GPAT4: variants seen among roughly 807,000 people sequenced by gnomAD.
The protein encoded by GPAT4 is glycerol-3-phosphate acyltransferase 4.
In GPAT4, 17 loss-of-function variants were observed where a neutral mutation model predicts 58.0. The ratio of observed to expected loss-of-function variants is 0.29; its 90% CI spans 0.20 to 0.44. GPAT4 has a LOEUF of 0.44. Ranked by LOEUF, GPAT4 falls within the 20% of genes least tolerant of loss-of-function variation. The pLI is 1.00. For missense variants in GPAT4, 377 were observed against 574.5 expected (o/e 0.66, Z 3.51); for synonymous variants, 204 against 210.1 (o/e 0.97, Z 0.25).
intron 4 of GPAT4, chr8:41,610,191 A>G (rs1164410792): frequency 7.3e-6 from 10 of 1,369,292 alleles, no homozygotes; most frequent in South Asian, 3.4e-5. Flanking sequence ...GCTTCTCTAG[A>G]TGACAGCAAA....
chr8:41,596,905 G>T (rs1802949552), intron 1 of GPAT4, among the ~76,000 whole-genome samples: 1 of 152,168 alleles, frequency 6.6e-6, no homozygotes, highest in Non-Finnish European at 1.5e-5. Flanking sequence ...CCTTTTAAGG[G>T]CTTACAACTC....
At position 41,618,666 on chromosome 8, in the gene GPAT4, G is replaced by A. The variant is rs758865615; in HGVS notation, c.1054-18G>A. On this transcript the variant is annotated intron_variant, in intron 10 of 12. Transcript: ENST00000396987. ...GAGAACTACTCATGTCTTACCTCCAGCTTTCCATTGTTTTCAGTATGACCC... is the reference window on the plus strand; with the variant it reads ...GAGAACTACTCATGTCTTACCTCCAACTTTCCATTGTTTTCAGTATGACCC... The A allele has an allele frequency of 6.2e-7, 1 of 1,613,492 alleles. No homozygotes were observed. The highest frequency in any genetic ancestry group is 1.1e-5 in the South Asian group (1 of 91,054).
At chr8:41,579,209 T>A (rs1802443343) in intron 1 of GPAT4, among the ~76,000 whole-genome samples, 1 of 152,246 alleles carries the variant, frequency 6.6e-6, no homozygotes. Flanking sequence ...CTTTTCTTTT[T>A]TAACTTTGTA....
At chr8:41,590,894 TAAAC>T (rs59028881) in intron 1 of GPAT4, among the ~76,000 whole-genome samples, 8,523 of 152,096 alleles carry the variant, frequency 0.056, 311 homozygotes, top group African/African-American at 0.092. Flanking sequence ...GGACTGGGGA[TAAAC>T]AAACGAGGTA....
intron 2 of GPAT4, among the ~76,000 whole-genome samples, chr8:41,604,762 G>A (rs1313489433): frequency 6.6e-6 from 1 of 152,236 alleles, no homozygotes; most frequent in Non-Finnish European, 1.5e-5. Context: ...ACCAGTGGCA[G>A]TTGTGGAGAA....
intron 2 of GPAT4, among the ~76,000 whole-genome samples, chr8:41,607,240 C>T (rs1349807075): frequency 6.6e-6 from 1 of 152,076 alleles, no homozygotes; most frequent in Admixed American, 6.5e-5. Context: ...TTTCCCCTGC[C>T]CTTGTGACTT....
intron 2 of GPAT4, 96 bp downstream of exon 2, chr8:41,599,400 ATAGGGAGAAAG>A: frequency 7.1e-7 from 1 of 1,417,560 alleles, no homozygotes; most frequent in Non-Finnish European, 9.6e-7. Context: ...TCTTTATTAG[ATAGGGAGAAAG>A]TTGGGAGAAT....
chr8:41,597,472 G>T (rs150956644), intron 1 of GPAT4, among the ~76,000 whole-genome samples: 1 of 152,148 alleles, frequency 6.6e-6, no homozygotes, highest in African/African-American at 2.4e-5. Context: ...GAGGCTGGAG[G>T]AGTTTAATCT....
At chr8:41,601,087 G>A (rs1978546) in intron 2 of GPAT4, among the ~76,000 whole-genome samples, 84,245 of 151,800 alleles carry the variant, frequency 0.55, 23,989 homozygotes, top group Middle Eastern at 0.71. Context: ...CTGCGTGTAC[G>A]TGCATTTGTT....
At chr8:41,584,052 A>C (rs563888979) in intron 1 of GPAT4, among the ~76,000 whole-genome samples, 1 of 152,180 alleles carries the variant, frequency 6.6e-6, no homozygotes, top group Admixed American at 6.5e-5. Context: ...ATGCACCACC[A>C]CGCCCAGCTA....
intron 9 of GPAT4, 105 bp downstream of exon 9, chr8:41,614,546 GT>G: frequency 1.8e-6 from 2 of 1,139,608 alleles, no homozygotes; most frequent in Non-Finnish European, 2.6e-6. Flanking sequence ...GGGGTTATCT[GT>G]TTTCACTGAA....
chr8:41,600,584 T>G (rs532107146), intron 2 of GPAT4, among the ~76,000 whole-genome samples: 1 of 149,644 alleles, frequency 6.7e-6, no homozygotes, highest in Admixed American at 6.7e-5. Context: ...TATAAGCATA[T>G]GGTGTTTTTT....
At chr8:41,594,038 T>C (rs1802858832) in intron 1 of GPAT4, among the ~76,000 whole-genome samples, 1 of 152,236 alleles carries the variant, frequency 6.6e-6, no homozygotes, top group Admixed American at 6.5e-5. Context: ...TTAAACTTGG[T>C]TTTAATAAAA....
chr8:41,599,345 G>T, intron 2 of GPAT4, 41 bp downstream of exon 2: 1 of 1,599,634 alleles, frequency 6.3e-7, no homozygotes, highest in Non-Finnish European at 8.5e-7. Context: ...ACAGAGGAGG[G>T]TAGAAGTGCA....
Position 41,621,117 on chromosome 8 carries a change from C to T in GPAT4, c.*116C>T. On this transcript the variant is annotated 3_prime_UTR_variant, in exon 13 of 13. Transcript: ENST00000396987. ...CCAGACTCCAGGGCTCCCCGGGCTGCTCTGGATCCCAGGACTCCGGCTTTC... is the reference window on the plus strand; with the variant it reads ...CCAGACTCCAGGGCTCCCCGGGCTGTTCTGGATCCCAGGACTCCGGCTTTC... The T allele has an allele frequency of 7.1e-7, 1 of 1,411,842 alleles. No homozygotes were observed. The highest frequency in any genetic ancestry group is 9.5e-7 in the Non-Finnish European group (1 of 1,051,902). The allele number at this position is 1,411,842 out of a possible 1,614,324, so 87.5% of individuals were successfully genotyped here.
rs1217095614 is a variant in GPAT4 at position 41,614,329 on chromosome 8, AT to A, written c.912-53del. 3 of 1,428,302 alleles carry A rather than the reference AT, an allele frequency of 2.1e-6. No homozygotes were observed. The African/African-American group carries it at 4.3e-5, about 20-fold the overall frequency. 88.5% of individuals were successfully genotyped at this position (1,428,302 alleles called of 1,614,324 possible). ...AAATAAATAGGTTATTTATAAACAT[AT>A]TTTGACGATGTGTATAAGGTTGTCT... On this transcript the variant is annotated intron_variant, in intron 8 of 12. Transcript: ENST00000396987.
In GPAT4 at chr8:41,582,662, G is replaced by GGA. The variant is rs747167705; in HGVS notation, c.-849+4396_-849+4397dup. Among the ~76,000 whole-genome samples, 586 of 124,984 alleles carry GGA rather than the reference G, an allele frequency of 4.7e-3. 1 individual carries two copies. The highest frequency in any genetic ancestry group is 0.043 in the Middle Eastern group (10 of 234). 82.0% of individuals were successfully genotyped at this position (124,984 alleles called of 152,430 possible). A position where few individuals can be genotyped will look rare whatever the true frequency, so the allele number is the denominator to read the frequency against. Reference sequence around the variant, plus strand: ...TGATTTAATCATTCCACAAGGGGAGGGAGAGAGAGAGAGTGTGTGTGTGTG... The same window carrying GGA: ...TGATTTAATCATTCCACAAGGGGAGGGAGAGAGAGAGAGAGTGTGTGTGTGTG... On this transcript the variant is annotated intron_variant, in intron 1 of 12. Transcript: ENST00000396987.
At chr8:41,579,494 T>C (rs182423703) in intron 1 of GPAT4, among the ~76,000 whole-genome samples, 20 of 152,060 alleles carry the variant, frequency 1.3e-4, no homozygotes, top group Admixed American at 6.5e-4. Flanking sequence ...CACAGTAGAG[T>C]TGAAGAAAGA....
At chr8:41,581,193 T>C (rs989233156) in intron 1 of GPAT4, among the ~76,000 whole-genome samples, 1 of 152,184 alleles carries the variant, frequency 6.6e-6, no homozygotes, top group South Asian at 2.1e-4. Flanking sequence ...TTTAAGAGAA[T>C]AGAATTTTAG....
Sources: allele counts gnomAD v4.1 joint callset (sites outside exome capture counted in the v4.1 genomes callset), GRCh38; gene constraint gnomAD v4.1.1; transcripts MANE v1.5; gene names NCBI Gene and HGNC (gene_info 2026-07-23, HGNC 2026-07-21).